Variants in KALRN observed in about 807,000 individuals in gnomAD.
The protein encoded by KALRN is kalirin.
In KALRN, 70 loss-of-function variants were observed where a neutral mutation model predicts 353.7. That is an observed-to-expected ratio of 0.20 (90% CI 0.16 to 0.24). The LOEUF is 0.24. Among genes scored for constraint, KALRN ranks in the 10% least tolerant of loss-of-function variants. The pLI, the probability that KALRN is intolerant of heterozygous loss-of-function variation, is 1.00. For synonymous variants in KALRN, 1,391 were observed against 1,434.8 expected, an observed-to-expected ratio of 0.97 and a Z score of 0.69; for missense variants, 2,791 against 3,756.7, an observed-to-expected ratio of 0.74 and a Z score of 6.72.
intron 33 of KALRN, among the ~76,000 whole-genome samples, chr3:124,542,023 C>A (rs116802628): frequency 7.1e-4 from 108 of 152,246 alleles, no homozygotes; most frequent in African/African-American, 2.5e-3. Flanking sequence ...TTTTCATGGG[C>A]CAAGTGCCCA....
chr3:124,580,947 A>AAATAATAATAGT lies in KALRN; in HGVS notation c.5182+17868_5182+17869insGTAATAATAATA, dbSNP rs71145458. ...ACATGGCAAAACCCTGTCTCTATTA[A>AAATAATAATAGT]AATAATAATAATAATAATAATAATA... is the stretch of plus-strand genomic sequence containing the variant. On this transcript the variant is annotated intron_variant, in intron 34 of 59. Coordinates refer to ENST00000682506, the MANE Select transcript of KALRN (RefSeq NM_001388419.1). Among the ~76,000 whole-genome samples, 330 of 147,588 alleles carry AAATAATAATAGT rather than the reference A, an allele frequency of 2.2e-3. 6 individuals are homozygous for AAATAATAATAGT. The highest frequency in any genetic ancestry group is 6.9e-3 in the African/African-American group (271 of 39,488).
chr3:124,640,695 G>A (rs1004255152), intron 37 of KALRN, among the ~76,000 whole-genome samples: 2 of 152,190 alleles, frequency 1.3e-5, no homozygotes, highest in Non-Finnish European at 2.9e-5. Context: ...TTGAAGGAAA[G>A]TTGAGGAAAC....
intron 32 of KALRN, among the ~76,000 whole-genome samples, chr3:124,496,019 A>ATACATACACCCCCTCTG (rs1554006930): frequency 3.9e-5 from 2 of 51,444 alleles, no homozygotes; most frequent in Non-Finnish European, 6.4e-5. Context: ...ATATACACAC[A>ATACATACACCCCCTCTG]CATATATACA....
chr3:124,100,372 C>G (rs184128203), intron 1 of KALRN: 5 of 152,198 alleles, frequency 3.3e-5, no homozygotes, highest in Admixed American at 3.3e-4. Flanking sequence ...TGTGCAGAAG[C>G]TTTTTAGTTT....
chr3:124,100,326 A>G lies in KALRN; in HGVS notation c.73+66513A>G, dbSNP rs1353812501. 7.9e-5 allele frequency: 12 copies of G among 152,132 alleles called. 1 individual carries two copies. The highest frequency in any genetic ancestry group is 7.9e-4 in the Admixed American group (12 of 15,272). The allele number at this position is 152,132 out of a possible 1,614,324, so 9.4% of individuals were successfully genotyped here. On this transcript the variant is annotated intron_variant, in intron 1 of 59. Transcript: ENST00000682506. ...TTGCAAATATTTTCTTCCATTCTAC[A>G]GGTTGTCTCTTCACTCTGTTGATTG...
chr3:124,491,374 G>A lies in KALRN; in HGVS notation c.4639G>A (p.Ala1547Thr), dbSNP rs774429172. The change falls in exon 31 of 60, where the codon GCC becomes ACC. Residue 1547 changes from alanine (A) to threonine (T), a missense_variant. Ala to Thr is a moderately conservative substitution (Grantham distance 58). Around this residue, in one of 11 missense-constraint regions of KALRN, gnomAD observed 239 missense variants for 351.3 expected, o/e 0.68. Transcript: ENST00000682506. ...EHVEGDPCKF[A>T]LWSGRTPSSD... is the part of the protein sequence containing the mutation. The stretch of plus-strand genomic sequence containing the variant: ...CGTGGAGGGCGATCCCTGCAAATTC[G>A]CCTTGTGGTCTGGGCGCACCCCATC... 12 of 1,610,086 alleles carry A rather than the reference G, an allele frequency of 7.5e-6. No individual in the cohort carries two copies. The highest frequency in any genetic ancestry group is 9.3e-6 in the Non-Finnish European group (11 of 1,177,998).
intron 1 of KALRN, among the ~76,000 whole-genome samples, chr3:124,055,441 T>A (rs752129796): frequency 1.3e-5 from 2 of 152,238 alleles, no homozygotes; most frequent in Non-Finnish European, 2.9e-5. Context: ...TCTAAGCTCT[T>A]ACAGCTATTC....
At chr3:124,041,180 G>C (rs904363232) in intron 1 of KALRN, among the ~76,000 whole-genome samples, 9 of 152,252 alleles carry the variant, frequency 5.9e-5, no homozygotes, top group African/African-American at 2.2e-4. Context: ...AGTCTATGAA[G>C]GAGGCTGAGA....
At chr3:124,563,774 A>C (rs1256089243) in intron 34 of KALRN, among the ~76,000 whole-genome samples, 1 of 152,172 alleles carries the variant, frequency 6.6e-6, no homozygotes, top group Non-Finnish European at 1.5e-5. Context: ...TAATATCAGC[A>C]TGCCCTGGGA....
chr3:124,356,723 G>T (rs975767954), intron 10 of KALRN, among the ~76,000 whole-genome samples: 2 of 152,092 alleles, frequency 1.3e-5, no homozygotes, highest in Non-Finnish European at 2.9e-5. Flanking sequence ...AGCCTTCCTT[G>T]ACATCGTGCT....
At chr3:124,707,360 C>G (rs2062674184) in intron 57 of KALRN, among the ~76,000 whole-genome samples, 1 of 151,978 alleles carries the variant, frequency 6.6e-6, no homozygotes, top group Non-Finnish European at 1.5e-5. Context: ...AAAGTAAAAA[C>G]TTGAAGAATG....
At chr3:124,239,901 G>A (rs1020530343) in intron 3 of KALRN, among the ~76,000 whole-genome samples, 2 of 152,168 alleles carry the variant, frequency 1.3e-5, no homozygotes, top group Admixed American at 1.3e-4. Flanking sequence ...TGGGGAGGAA[G>A]GGGAGGGATC....
chr3:124,361,848 G>T (rs2084076793), intron 10 of KALRN, among the ~76,000 whole-genome samples: 1 of 151,896 alleles, frequency 6.6e-6, no homozygotes, highest in Non-Finnish European at 1.5e-5. Flanking sequence ...GTGGGGGTGG[G>T]GAGTAGTGAT....
intron 13 of KALRN, among the ~76,000 whole-genome samples, chr3:124,405,484 T>G (rs1333750222): frequency 6.6e-6 from 1 of 152,098 alleles, no homozygotes; most frequent in Non-Finnish European, 1.5e-5. Flanking sequence ...ATAGGAGCTC[T>G]TCAACAAAAG....
intron 2 of KALRN, among the ~76,000 whole-genome samples, chr3:124,232,182 G>A (rs1158720146): frequency 6.6e-6 from 1 of 152,104 alleles, no homozygotes. Flanking sequence ...GCTCCACTCT[G>A]CCTTCACTCA....
chr3:124,555,049 A>C (rs1205650516), intron 33 of KALRN, among the ~76,000 whole-genome samples: 2 of 152,140 alleles, frequency 1.3e-5, no homozygotes, highest in Non-Finnish European at 2.9e-5. Context: ...AGGATAGAAG[A>C]GGGATCTAGG....
intron 34 of KALRN, among the ~76,000 whole-genome samples, chr3:124,594,467 G>A (rs1846893): frequency 0.11 from 16,893 of 152,150 alleles, 2,127 homozygotes; most frequent in East Asian, 0.43. Flanking sequence ...CTTGTGATCC[G>A]CCTGCCTTGG....
chr3:124,061,419 C>G (rs1306314581), intron 1 of KALRN, among the ~76,000 whole-genome samples: 2 of 152,162 alleles, frequency 1.3e-5, no homozygotes, highest in East Asian at 3.9e-4. Context: ...AGTTTTGAAG[C>G]CAGGCAATAT....
chr3:124,292,387 C>T (rs1257837508), intron 5 of KALRN, among the ~76,000 whole-genome samples: 1 of 152,174 alleles, frequency 6.6e-6, no homozygotes, highest in African/African-American at 2.4e-5. Context: ...GAGTGAAAAA[C>T]TGTTAAGAGC....
Sources: gnomAD v4.1 joint callset for allele counts (sites outside exome capture counted in the v4.1 genomes callset) on GRCh38, gnomAD v4.1.1 for gene constraint, gnomAD v4.1.1 regional missense constraint, MANE v1.5 for transcripts, NCBI Gene and HGNC (gene_info 2026-07-23, HGNC 2026-07-21) for gene names.